STXBP6: variants seen among roughly 807,000 people sequenced by gnomAD.
The protein encoded by STXBP6 is syntaxin-binding protein 6.
A neutral mutation model predicts 26.9 loss-of-function variants in STXBP6; 21 were observed. The observed-to-expected ratio is 0.78, with a 90% CI of 0.55 to 1.12. The LOEUF (loss-of-function observed/expected upper bound fraction) is 1.12. STXBP6 is among the 50% of genes most tolerant of loss of function. STXBP6 has a pLI of 0.00. For synonymous variants in STXBP6, 97 were observed against 92.6 expected, an observed-to-expected ratio of 1.05 and a Z score of -0.27; for missense variants, 232 against 257.9, an observed-to-expected ratio of 0.90 and a Z score of 0.69.
intron 2 of STXBP6, among the ~76,000 whole-genome samples, chr14:24,874,133 A>C (rs1413114339): frequency 1.3e-5 from 2 of 152,088 alleles, no homozygotes; most frequent in East Asian, 3.9e-4. Context: ...GAAAAAAACC[A>C]CTTGCTTTTT....
chr14:25,020,217 C>T (rs2075236811), intron 1 of STXBP6, among the ~76,000 whole-genome samples: 1 of 152,074 alleles, frequency 6.6e-6, no homozygotes, highest in African/African-American at 2.4e-5. Flanking sequence ...AAAAGGAGAA[C>T]CAAATTATCC....
intron 2 of STXBP6, among the ~76,000 whole-genome samples, chr14:24,913,198 C>T (rs1453027187): frequency 6.6e-6 from 1 of 152,160 alleles, no homozygotes. Context: ...GTCACACATT[C>T]CTTCACTGGC....
chr14:24,819,223 A>C (rs1452587875), intron 4 of STXBP6, 29 bp from the exon 5 acceptor site: 1 of 1,613,354 alleles, frequency 6.2e-7, no homozygotes, highest in Admixed American at 1.7e-5. Flanking sequence ...GAGCATCAGA[A>C]ACTGGCTCAG....
chr14:24,846,657 T>C (rs572405772), intron 4 of STXBP6, among the ~76,000 whole-genome samples: 75 of 152,324 alleles, frequency 4.9e-4, no homozygotes, highest in African/African-American at 1.8e-3. Flanking sequence ...TGCATTTTTA[T>C]TGGTGAAATC....
intron 1 of STXBP6, among the ~76,000 whole-genome samples, chr14:25,019,726 T>C (rs2075226428): frequency 6.6e-6 from 1 of 152,228 alleles, no homozygotes; most frequent in East Asian, 1.9e-4. Context: ...AATAGAGCTG[T>C]ATCTGAAAAC....
In STXBP6 at chr14:24,811,836, A is replaced by G. The variant is rs1304530770; in HGVS notation, c.*873T>C. The G allele has an allele frequency of 3.3e-5, 5 of 152,216 alleles. No individual in the cohort carries two copies. The highest frequency in any genetic ancestry group is 5.9e-5 in the Non-Finnish European group (4 of 68,042). The allele number at this position is 152,216 out of a possible 1,614,324, so 9.4% of individuals were successfully genotyped here. The stretch of plus-strand genomic sequence containing the variant: ...ACTACTTGTTCACATTATCATTGAC[A>G]CAGACCTTTACCTGGACAAATCAAT... On this transcript the variant is annotated 3_prime_UTR_variant, in exon 6 of 6. Transcript: ENST00000323944.
At chr14:24,823,644 C>T (rs1293798575) in intron 4 of STXBP6, among the ~76,000 whole-genome samples, 2 of 152,118 alleles carry the variant, frequency 1.3e-5, no homozygotes, top group African/African-American at 2.4e-5. Context: ...AGTGCTGAGT[C>T]AATGTGCTTA....
chr14:24,821,466 A>G (rs1451038663), intron 4 of STXBP6, among the ~76,000 whole-genome samples: 2 of 152,212 alleles, frequency 1.3e-5, no homozygotes, highest in African/African-American at 4.8e-5. Context: ...AGGAGACATT[A>G]TAACTCATAG....
At chr14:24,968,896 C>T (rs1389547415) in intron 2 of STXBP6, among the ~76,000 whole-genome samples, 1 of 152,156 alleles carries the variant, frequency 6.6e-6, no homozygotes, top group Non-Finnish European at 1.5e-5. Flanking sequence ...AACTTCTCAA[C>T]CTTATCTTCA....
chr14:24,977,908 G>C (rs2074091877), intron 1 of STXBP6, among the ~76,000 whole-genome samples: 1 of 152,154 alleles, frequency 6.6e-6, no homozygotes, highest in Admixed American at 6.5e-5. Context: ...GTATCACAAG[G>C]ATAAGGAATT....
At chr14:24,919,392 G>C (rs1280106469) in intron 2 of STXBP6, among the ~76,000 whole-genome samples, 1 of 150,772 alleles carries the variant, frequency 6.6e-6, no homozygotes, top group Non-Finnish European at 1.5e-5. Context: ...TAATTCTTCA[G>C]AAAAACATCT....
At chr14:25,036,609 C>A (rs1219630660) in intron 1 of STXBP6, among the ~76,000 whole-genome samples, 4 of 152,146 alleles carry the variant, frequency 2.6e-5, no homozygotes, top group Admixed American at 6.5e-5. Flanking sequence ...AATCATAGCA[C>A]TCTGGGAGGC....
chr14:24,981,776 G>GA (rs1205602522), intron 1 of STXBP6, among the ~76,000 whole-genome samples: 2 of 152,036 alleles, frequency 1.3e-5, no homozygotes, highest in Non-Finnish European at 2.9e-5. Context: ...CCATTTTTAA[G>GA]AAAAAATCAT....
chr14:25,040,985 T>A (rs562258600), intron 1 of STXBP6, among the ~76,000 whole-genome samples: 1 of 152,326 alleles, frequency 6.6e-6, no homozygotes, highest in East Asian at 1.9e-4. Context: ...TTAAGCTCCT[T>A]ATATAAGTGC....
intron 2 of STXBP6, among the ~76,000 whole-genome samples, chr14:24,877,873 A>C (rs1438349256): frequency 1.3e-5 from 2 of 152,176 alleles, no homozygotes; most frequent in African/African-American, 4.8e-5. Flanking sequence ...TTGCACTCCC[A>C]CCAGAAATCT....
At chr14:25,044,971 C>T (rs144702304) in intron 1 of STXBP6, among the ~76,000 whole-genome samples, 486 of 152,310 alleles carry the variant, frequency 3.2e-3, no homozygotes, top group Non-Finnish European at 5.3e-3. Flanking sequence ...TTAGCCACTA[C>T]AGCTTAAAAT....
chr14:24,987,472 A>C (rs1595258938), intron 1 of STXBP6, among the ~76,000 whole-genome samples: 1 of 152,320 alleles, frequency 6.6e-6, no homozygotes, highest in South Asian at 2.1e-4. Flanking sequence ...AACTGCTCCC[A>C]CCTGGGGTGT....
rs116126819 is a variant in STXBP6 at position 24,965,425 on chromosome 14, G to T, written c.154+9240C>A. ...TATTTTTATTTCAATGGGTTTTTTG[G>T]GGGGTAAAGGTGGTGTATGGTCATT... is the stretch of plus-strand genomic sequence containing the variant. On this transcript the variant is annotated intron_variant, in intron 2 of 5. Transcript: ENST00000323944. 8.9e-4 allele frequency among the ~76,000 whole-genome samples: 134 copies of T among 150,020 alleles called. No homozygotes were observed. In the Middle Eastern group the frequency reaches 0.031, roughly 35 times the overall value.
At chr14:24,843,071 T>A (rs2068834300) in intron 4 of STXBP6, among the ~76,000 whole-genome samples, 1 of 152,202 alleles carries the variant, frequency 6.6e-6, no homozygotes, top group South Asian at 2.1e-4. Flanking sequence ...GGAGATAGAC[T>A]TGGGATCAAA....
Sources: allele counts gnomAD v4.1 joint callset (sites outside exome capture counted in the v4.1 genomes callset), GRCh38; gene constraint gnomAD v4.1.1; transcripts MANE v1.5; gene names NCBI Gene and HGNC (gene_info 2026-07-23, HGNC 2026-07-21).